The following SLC25A13 variants were observed in gnomAD, a reference collection of about 807,000 sequenced individuals.
SLC25A13 encodes the protein electrogenic aspartate/glutamate antiporter SLC25A13, mitochondrial.
SLC25A13 carries 70 observed loss-of-function variants against 85.5 expected under a neutral mutation model. That is an observed-to-expected ratio of 0.82 (90% CI 0.68 to 1.00). SLC25A13 has a LOEUF of 1.00. SLC25A13 is among the 50% of genes least tolerant of loss of function. SLC25A13 has a pLI of 0.00. For missense variants in SLC25A13, 765 were observed against 819.8 expected (o/e 0.93, Z 0.82); for synonymous variants, 259 against 288.7 (o/e 0.90, Z 1.04).
chr7:96,255,761 A>T (rs1400659294), intron 3 of SLC25A13, among the ~76,000 whole-genome samples: 2 of 152,160 alleles, frequency 1.3e-5, no homozygotes, highest in Non-Finnish European at 2.9e-5. Flanking sequence ...AGAAGGAAAC[A>T]TACCTAATCC....
chr7:96,148,389 G>A (rs1450709658), intron 13 of SLC25A13, among the ~76,000 whole-genome samples: 1 of 152,136 alleles, frequency 6.6e-6, no homozygotes, highest in Non-Finnish European at 1.5e-5. Context: ...CAACTCCCTG[G>A]TTGTTTACAG....
At chr7:96,167,984 C>T (rs1307697686) in intron 13 of SLC25A13, among the ~76,000 whole-genome samples, 1 of 150,936 alleles carries the variant, frequency 6.6e-6, no homozygotes, top group Non-Finnish European at 1.5e-5. Flanking sequence ...CCTGTAGTCC[C>T]AGCTACTCGG....
chr7:96,313,760 A>G (rs1800031806), intron 1 of SLC25A13, among the ~76,000 whole-genome samples: 1 of 152,212 alleles, frequency 6.6e-6, no homozygotes, highest in South Asian at 2.1e-4. Flanking sequence ...GGAATCTAAA[A>G]TAAAAGTTGA....
chr7:96,136,014 C>G (rs1333154220), intron 14 of SLC25A13, among the ~76,000 whole-genome samples: 1 of 152,000 alleles, frequency 6.6e-6, no homozygotes, highest in Non-Finnish European at 1.5e-5. Context: ...AGATGATAAA[C>G]TATTGGGTTT....
intron 3 of SLC25A13, among the ~76,000 whole-genome samples, chr7:96,273,811 T>C (rs976747294): frequency 3.3e-5 from 5 of 152,226 alleles, no homozygotes; most frequent in Non-Finnish European, 7.3e-5. Flanking sequence ...TAATCCATGT[T>C]GCATGTGAAC....
chr7:96,198,600 A>T (rs1032838244), intron 5 of SLC25A13, among the ~76,000 whole-genome samples: 1 of 152,250 alleles, frequency 6.6e-6, no homozygotes, highest in African/African-American at 2.4e-5. Context: ...TAACTAGCCT[A>T]AAGTCACACA....
chr7:96,270,721 T>C (rs1348947190), intron 3 of SLC25A13, among the ~76,000 whole-genome samples: 1 of 152,016 alleles, frequency 6.6e-6, no homozygotes, highest in Non-Finnish European at 1.5e-5. Context: ...AAAATATAAG[T>C]ATAAATAAAT....
intron 13 of SLC25A13, among the ~76,000 whole-genome samples, chr7:96,151,340 G>A (rs1183971350): frequency 1.3e-5 from 2 of 152,182 alleles, no homozygotes; most frequent in African/African-American, 2.4e-5. Context: ...GCTCACACCT[G>A]TAATCCCAGC....
At chr7:96,122,979 G>A (rs1791575329) in intron 15 of SLC25A13, among the ~76,000 whole-genome samples, 1 of 152,156 alleles carries the variant, frequency 6.6e-6, no homozygotes, top group Non-Finnish European at 1.5e-5. Flanking sequence ...AAACCAACAT[G>A]GTCTGGCTCA....
chr7:96,179,440 T>C (rs1794339989), intron 11 of SLC25A13, among the ~76,000 whole-genome samples: 1 of 152,230 alleles, frequency 6.6e-6, no homozygotes, highest in Admixed American at 6.5e-5. Context: ...CAGTTGTTAC[T>C]GTAGCACTCT....
At chr7:96,199,083 C>T (rs1281902653) in intron 5 of SLC25A13, among the ~76,000 whole-genome samples, 1 of 152,162 alleles carries the variant, frequency 6.6e-6, no homozygotes, top group Non-Finnish European at 1.5e-5. Context: ...GTTGTGTTTT[C>T]CCTGCTTCAT....
At chr7:96,236,870 C>A (rs1411773166) in intron 3 of SLC25A13, among the ~76,000 whole-genome samples, 1 of 152,184 alleles carries the variant, frequency 6.6e-6, no homozygotes, top group Non-Finnish European at 1.5e-5. Flanking sequence ...AATTGGCTGA[C>A]AGACTGAGGC....
intron 3 of SLC25A13, among the ~76,000 whole-genome samples, chr7:96,255,982 A>C (rs4576359): frequency 1.3e-5 from 2 of 151,900 alleles, no homozygotes; most frequent in Non-Finnish European, 2.9e-5. Flanking sequence ...ACTAAGCTTC[A>C]TAAGTGAAGG....
At chr7:96,320,286 C>A (rs1053425849) in intron 1 of SLC25A13, among the ~76,000 whole-genome samples, 7 of 152,186 alleles carry the variant, frequency 4.6e-5, no homozygotes, top group African/African-American at 1.4e-4. Flanking sequence ...GGATTACAGG[C>A]ATGAGCCACA....
intron 15 of SLC25A13, among the ~76,000 whole-genome samples, chr7:96,130,678 T>C (rs1029602723): frequency 6.6e-6 from 1 of 152,230 alleles, no homozygotes; most frequent in South Asian, 2.1e-4. Flanking sequence ...CAAGCTGGAA[T>C]TAAAATTGGG....
In SLC25A13 at chr7:96,120,810, A is replaced by G; in HGVS notation, c.*381T>C. 1 of 462,094 alleles carries G rather than the reference A, an allele frequency of 2.2e-6. No homozygotes were observed. The highest frequency in any genetic ancestry group is 1.5e-5 in the South Asian group (1 of 64,546). 28.6% of individuals were successfully genotyped at this position (462,094 alleles called of 1,614,324 possible). ...AGTTTCCTACCAGTTTAAAACACAC[A>G]CGAAACACTGCTCTGAGCACCATGA... On this transcript the variant is annotated 3_prime_UTR_variant, in exon 18 of 18. Coordinates refer to ENST00000265631, the MANE Select transcript of SLC25A13 (RefSeq NM_014251.3).
intron 15 of SLC25A13, among the ~76,000 whole-genome samples, chr7:96,126,156 C>T (rs940581687): frequency 5.3e-5 from 8 of 152,238 alleles, no homozygotes; most frequent in African/African-American, 1.9e-4. Context: ...AGGTCTCTCT[C>T]CTGAATGGGA....
intron 2 of SLC25A13, among the ~76,000 whole-genome samples, chr7:96,294,279 G>T (rs1799252876): frequency 6.6e-6 from 1 of 150,982 alleles, no homozygotes; most frequent in Non-Finnish European, 1.5e-5. Context: ...GGGGCCTGTT[G>T]TGGGGTGGGG....
intron 13 of SLC25A13, among the ~76,000 whole-genome samples, chr7:96,151,771 C>T (rs1793059498): frequency 6.6e-6 from 1 of 151,548 alleles, no homozygotes; most frequent in Non-Finnish European, 1.5e-5. Context: ...GGCTAAACCC[C>T]ATCTCTACTA....
Sources: gnomAD v4.1 joint callset for allele counts (sites outside exome capture counted in the v4.1 genomes callset) on GRCh38, gnomAD v4.1.1 for gene constraint, MANE v1.5 for transcripts, NCBI Gene and HGNC (gene_info 2026-07-23, HGNC 2026-07-21) for gene names.